Variants in PCDH15 observed in about 807,000 individuals in gnomAD.
PCDH15 encodes the protein protocadherin-15.
PCDH15 carries 129 observed loss-of-function variants against 178.5 expected under a neutral mutation model. That is an observed-to-expected ratio of 0.72 (90% CI 0.63 to 0.84). The LOEUF (loss-of-function observed/expected upper bound fraction) is 0.84. PCDH15 is among the 40% of genes least tolerant of loss of function. PCDH15 has a pLI of 0.00. For synonymous variants in PCDH15, 800 were observed against 732.0 expected, an observed-to-expected ratio of 1.09 and a Z score of -1.50; for missense variants, 2,230 against 2,099.9, an observed-to-expected ratio of 1.06 and a Z score of -1.21.
intron 3 of PCDH15, among the ~76,000 whole-genome samples, chr10:54,872,300 T>C (rs1479110706): frequency 6.6e-6 from 1 of 152,088 alleles, no homozygotes; most frequent in Non-Finnish European, 1.5e-5. Context: ...AGTCACCTAT[T>C]TAATTTATCT....
At chr10:55,054,196 A>G (rs921178808) in intron 2 of PCDH15, among the ~76,000 whole-genome samples, 17 of 152,190 alleles carry the variant, frequency 1.1e-4, no homozygotes, top group Admixed American at 3.3e-4. Context: ...ACCCTCCAAT[A>G]GACCCCGTGT....
chr10:55,221,543 G>A (rs1415730996), intron 1 of PCDH15, among the ~76,000 whole-genome samples: 1 of 152,004 alleles, frequency 6.6e-6, no homozygotes, highest in African/African-American at 2.4e-5. Flanking sequence ...GTTTGTCCCA[G>A]TAAATTTATT....
Position 54,023,197 on chromosome 10 carries a change from C to T in PCDH15, c.2221G>A (p.Ala741Thr), listed in dbSNP as rs752539428. The change falls in exon 19 of 38, where the codon GCA becomes ACA. Residue 741 changes from alanine (A) to threonine (T), a missense_variant and splice_region_variant. Transcript: ENST00000644397. ...EANAFVGQVK[A>T]TDPDAGINGQ... is the part of the protein sequence containing the mutation. ...TTTATTCCAGCATCAGGGTCTGTTGCCTATTAAATAAAACAAAAAAACAAA... is the reference window on the plus strand; with the variant it reads ...TTTATTCCAGCATCAGGGTCTGTTGTCTATTAAATAAAACAAAAAAACAAA... The T allele has an allele frequency of 9.3e-6, 15 of 1,612,504 alleles. No individual in the cohort carries two copies. The highest frequency in any genetic ancestry group is 6.8e-6 in the Non-Finnish European group (8 of 1,179,692).
chr10:55,452,298 T>A (rs887551914), intron 2 of PCDH15, among the ~76,000 whole-genome samples: 1 of 152,144 alleles, frequency 6.6e-6, no homozygotes, highest in Non-Finnish European at 1.5e-5. Flanking sequence ...ATTATCCACA[T>A]GTTTGGCCTG....
At chr10:54,811,039 C>T (rs1160342055) in intron 3 of PCDH15, among the ~76,000 whole-genome samples, 2 of 151,910 alleles carry the variant, frequency 1.3e-5, no homozygotes, top group African/African-American at 2.4e-5. Flanking sequence ...CATCTATAGT[C>T]GTAAGTTTGA....
chr10:54,104,532 C>T (rs1489021780), intron 15 of PCDH15, among the ~76,000 whole-genome samples: 1 of 152,072 alleles, frequency 6.6e-6, no homozygotes, highest in Non-Finnish European at 1.5e-5. Flanking sequence ...GCTTCTGAAG[C>T]CAGGAGTTAG....
At chr10:54,700,684 A>G (rs2095297861) in intron 1 of PCDH15, among the ~76,000 whole-genome samples, 1 of 152,120 alleles carries the variant, frequency 6.6e-6, no homozygotes, top group African/African-American at 2.4e-5. Context: ...TAAAGAATGG[A>G]CAAAACCTTT....
chr10:54,618,768 A>C (rs1426434651), intron 2 of PCDH15, among the ~76,000 whole-genome samples: 1 of 152,094 alleles, frequency 6.6e-6, no homozygotes, highest in Non-Finnish European at 1.5e-5. Context: ...ATATTATTAC[A>C]AAAGTATGTG....
intron 16 of PCDH15, among the ~76,000 whole-genome samples, 156 bp downstream of exon 16, chr10:54,089,828 C>T (rs2094570642): frequency 6.6e-6 from 1 of 152,116 alleles, no homozygotes; most frequent in South Asian, 2.1e-4. Flanking sequence ...TATTTCTGGG[C>T]TCAGAATTAT....
intron 2 of PCDH15, among the ~76,000 whole-genome samples, chr10:55,334,993 C>T (rs2132315132): frequency 6.6e-6 from 1 of 152,196 alleles, no homozygotes; most frequent in South Asian, 2.1e-4. Context: ...TTATAACTGA[C>T]TGAAATAAAG....
chr10:54,313,655 C>T (rs1205854699), intron 8 of PCDH15, among the ~76,000 whole-genome samples: 1 of 147,594 alleles, frequency 6.8e-6, no homozygotes, highest in African/African-American at 2.4e-5. Flanking sequence ...CTACCAGAAA[C>T]GTTTTTGTGT....
At chr10:55,351,551 A>C (rs1844934492) in intron 2 of PCDH15, among the ~76,000 whole-genome samples, 1 of 152,172 alleles carries the variant, frequency 6.6e-6, no homozygotes, top group Non-Finnish European at 1.5e-5. Context: ...GATAAAATTA[A>C]GTCTTTATAA....
intron 8 of PCDH15, among the ~76,000 whole-genome samples, chr10:54,281,427 CTTTGT>C (rs997946228): frequency 7.2e-5 from 11 of 151,782 alleles, no homozygotes; most frequent in African/African-American, 2.7e-4. Flanking sequence ...TTATTTTTTG[CTTTGT>C]TTTTTGCAAA....
chr10:54,357,325 C>A (rs948616422), intron 5 of PCDH15, among the ~76,000 whole-genome samples: 11 of 152,254 alleles, frequency 7.2e-5, no homozygotes, highest in African/African-American at 2.2e-4. Flanking sequence ...TCTCAGGATA[C>A]AAAATCAATG....
intron 2 of PCDH15, among the ~76,000 whole-genome samples, chr10:54,622,725 T>A (rs1368806053): frequency 1.0e-5 from 1 of 97,870 alleles, no homozygotes; most frequent in East Asian, 2.3e-4. Flanking sequence ...ATAATATATA[T>A]TATATAATTA....
chr10:54,016,816 C>G (rs2092755384), intron 20 of PCDH15, among the ~76,000 whole-genome samples: 1 of 152,090 alleles, frequency 6.6e-6, no homozygotes, highest in Non-Finnish European at 1.5e-5. Context: ...ATAATCTGTA[C>G]AGTCAAACCC....
chr10:54,221,398 T>G (rs1318079535), intron 9 of PCDH15, among the ~76,000 whole-genome samples: 1 of 152,124 alleles, frequency 6.6e-6, no homozygotes, highest in East Asian at 1.9e-4. Flanking sequence ...TTCATATATT[T>G]AAAATGTAGA....
rs1841210132 is a variant in PCDH15 at position 55,053,215 on chromosome 10, AT to A, written c.-80+113360del. Among the ~76,000 whole-genome samples the A allele has an allele frequency of 2.6e-5, 4 of 152,322 alleles. No homozygotes were observed. In the South Asian group the frequency reaches 8.3e-4, roughly 32 times the overall value. On this transcript the variant is annotated intron_variant, in intron 2 of 5. Transcript: ENST00000458638. The stretch of plus-strand genomic sequence containing the variant: ...GACCTCACATTTGACTGTCAGCCTA[AT>A]TGGAAACTACTATAGAAGTTCATAT...
In PCDH15 at chr10:55,151,554, C is replaced by G. The variant is rs554975739; in HGVS notation, c.-80+15022G>C. Among the ~76,000 whole-genome samples, 6 of 152,026 alleles carry G rather than the reference C, an allele frequency of 3.9e-5. No individual in the cohort carries two copies. In the East Asian group the frequency reaches 5.8e-4, roughly 15 times the overall value. ...TTTATGTAGCAATTTAACAGACAGG[C>G]AAAATACCTTCAGACCTTCAATAAG... On this transcript the variant is annotated intron_variant, in intron 2 of 5. Coordinates refer to the PCDH15 transcript ENST00000458638.
Sources: gnomAD v4.1 joint callset for allele counts (sites outside exome capture counted in the v4.1 genomes callset) on GRCh38, gnomAD v4.1.1 for gene constraint, MANE v1.5 for transcripts, NCBI Gene and HGNC (gene_info 2026-07-23, HGNC 2026-07-21) for gene names.